Variants in RBFOX1 observed in about 807,000 individuals in gnomAD.
The protein encoded by RBFOX1 is RNA binding fox-1 homolog 1.
A neutral mutation model predicts 57.7 loss-of-function variants in RBFOX1; 8 were observed. That is an observed-to-expected ratio of 0.14 (90% CI 0.08 to 0.25). RBFOX1 has a LOEUF of 0.25. Among genes scored for constraint, RBFOX1 ranks in the 10% least tolerant of loss-of-function variants. The probability of loss-of-function intolerance (pLI) is 1.00; values close to 1 mark genes in which losing one functional copy is unlikely to be tolerated. For synonymous variants in RBFOX1, 326 were observed against 222.4 expected (o/e 1.47, Z -4.15); for missense variants, 611 against 548.5 (o/e 1.11, Z -1.14).
rs1369050131 is a variant in RBFOX1, at chr16:5,809,747, C to G, written c.319-57556C>G. On this transcript the variant is annotated intron_variant, in intron 3 of 19. Coordinates refer to the RBFOX1 transcript ENST00000641259. ...TGGTGGGACAGTAAACTAGTTCAAC[C>G]ATTGTGGAAGTCAGTGTGGCGATTC... Among the ~76,000 whole-genome samples the G allele has an allele frequency of 2.0e-5, 3 of 152,244 alleles. No homozygotes were observed. The South Asian group carries it at 6.2e-4, about 32-fold the overall frequency.
chr16:7,030,786 A>T (rs890468122), intron 3 of RBFOX1, among the ~76,000 whole-genome samples: 9 of 152,302 alleles, frequency 5.9e-5, no homozygotes, highest in Admixed American at 2.6e-4. Flanking sequence ...GGTCTAATTA[A>T]GGCCCTCAAA....
chr16:6,660,811 T>C (rs2098696675), intron 3 of RBFOX1, among the ~76,000 whole-genome samples: 1 of 152,174 alleles, frequency 6.6e-6, no homozygotes, highest in Non-Finnish European at 1.5e-5. Flanking sequence ...ATGTCATTTA[T>C]AATTACATTT....
intron 2 of RBFOX1, among the ~76,000 whole-genome samples, chr16:6,574,073 T>C (rs1281235410): frequency 2.0e-5 from 3 of 152,172 alleles, no homozygotes; most frequent in Non-Finnish European, 4.4e-5. Flanking sequence ...CTTTCAAGAA[T>C]GTTTAAACTC....
Position 5,687,170 on chromosome 16 carries a change from C to T in RBFOX1, c.318+88209C>T, listed in dbSNP as rs554921215. On this transcript the variant is annotated intron_variant, in intron 3 of 19. Coordinates refer to the RBFOX1 transcript ENST00000641259. The stretch of plus-strand genomic sequence containing the variant: ...AATGGACTAATAAACCCTCAGACTT[C>T]TCCCAGTACAGTGGAATAGGGGGAG... Among the ~76,000 whole-genome samples the T allele has an allele frequency of 1.1e-4, 17 of 152,296 alleles. 1 individual carries two copies. The highest frequency in any genetic ancestry group is 1.1e-3 in the Admixed American group (17 of 15,294).
At chr16:7,476,409 C>T (rs532239602) in intron 4 of RBFOX1, among the ~76,000 whole-genome samples, 6 of 152,300 alleles carry the variant, frequency 3.9e-5, no homozygotes, top group South Asian at 4.2e-4. Context: ...CTATATAACA[C>T]GCTTTGAAAA....
intron 3 of RBFOX1, among the ~76,000 whole-genome samples, chr16:6,770,295 G>T (rs578230192): frequency 8.5e-4 from 130 of 152,272 alleles, no homozygotes; most frequent in South Asian, 4.2e-3. Context: ...ACCAAATCCA[G>T]TAGCAATTGA....
chr16:7,252,958 A>G (rs374446604), intron 4 of RBFOX1, among the ~76,000 whole-genome samples: 1 of 152,200 alleles, frequency 6.6e-6, no homozygotes, highest in Non-Finnish European at 1.5e-5. Flanking sequence ...AATTTTGTAA[A>G]TAAGCATGCA....
At chr16:6,552,410 G>C (rs558607304) in intron 2 of RBFOX1, among the ~76,000 whole-genome samples, 1 of 152,146 alleles carries the variant, frequency 6.6e-6, no homozygotes, top group African/African-American at 2.4e-5. Flanking sequence ...CAGAAACTCA[G>C]TAATGTCATC....
intron 1 of RBFOX1, among the ~76,000 whole-genome samples, chr16:6,081,189 G>A (rs1339653752): frequency 6.6e-6 from 1 of 152,122 alleles, no homozygotes; most frequent in Non-Finnish European, 1.5e-5. Context: ...CTGTTCCCGG[G>A]ACACATTTAA....
At chr16:6,565,372 C>G (rs548588111) in intron 2 of RBFOX1, among the ~76,000 whole-genome samples, 14 of 152,226 alleles carry the variant, frequency 9.2e-5, no homozygotes, top group African/African-American at 3.4e-4. Context: ...ATTCTCCTGC[C>G]TCAGCCTCCC....
intron 4 of RBFOX1, among the ~76,000 whole-genome samples, chr16:6,002,610 T>C (rs988733427): frequency 6.6e-6 from 1 of 152,164 alleles, no homozygotes; most frequent in Non-Finnish European, 1.5e-5. Flanking sequence ...AGAGAATCAC[T>C]AAGATCTCTG....
chr16:7,656,588 C>A (rs1368859652), intron 12 of RBFOX1, among the ~76,000 whole-genome samples: 1 of 152,172 alleles, frequency 6.6e-6, no homozygotes. Flanking sequence ...AGCAGATTTC[C>A]TGTAGCCTTT....
chr16:6,228,092 C>G (rs1174828073), intron 1 of RBFOX1, among the ~76,000 whole-genome samples: 5 of 152,126 alleles, frequency 3.3e-5, no homozygotes, highest in Non-Finnish European at 7.4e-5. Context: ...GGGTGGATCA[C>G]TTGAGGTCAG....
intron 4 of RBFOX1, among the ~76,000 whole-genome samples, chr16:7,131,500 G>A (rs541696959): frequency 3.3e-5 from 5 of 151,722 alleles, no homozygotes; most frequent in African/African-American, 1.2e-4. Context: ...GAGGGAATGA[G>A]TACCTGAAAG....
At chr16:5,630,025 T>G (rs2048456473) in intron 3 of RBFOX1, among the ~76,000 whole-genome samples, 1 of 152,196 alleles carries the variant, frequency 6.6e-6, no homozygotes, top group African/African-American at 2.4e-5. Flanking sequence ...GAGGTGCTCT[T>G]TGCAGGAGAT....
chr16:7,463,685 A>T (rs757728327), intron 4 of RBFOX1, among the ~76,000 whole-genome samples: 22 of 152,182 alleles, frequency 1.4e-4, no homozygotes, highest in African/African-American at 4.8e-4. Flanking sequence ...GTAAGGTAAC[A>T]TATTTATAGA....
chr16:7,476,611 C>T (rs1043932243), intron 4 of RBFOX1, among the ~76,000 whole-genome samples: 12 of 152,254 alleles, frequency 7.9e-5, no homozygotes, highest in South Asian at 2.1e-4. Context: ...ATGAAGTCTT[C>T]GGCATCTCCA....
intron 3 of RBFOX1, among the ~76,000 whole-genome samples, chr16:6,677,194 A>G (rs1352038796): frequency 6.6e-6 from 1 of 152,184 alleles, no homozygotes; most frequent in Admixed American, 6.5e-5. Context: ...TCACATAATG[A>G]GTAAGTGGCA....
At chr16:6,981,828 A>G (rs1362690221) in intron 3 of RBFOX1, among the ~76,000 whole-genome samples, 1 of 152,138 alleles carries the variant, frequency 6.6e-6, no homozygotes, top group South Asian at 2.1e-4. Context: ...TGGGGTGGGG[A>G]CACAGCCAAG....
Sources: gnomAD v4.1 joint callset for allele counts (sites outside exome capture counted in the v4.1 genomes callset) on GRCh38, gnomAD v4.1.1 for gene constraint, MANE v1.5 for transcripts, NCBI Gene and HGNC (gene_info 2026-07-23, HGNC 2026-07-21) for gene names.